The following MACROD2 variants were observed in gnomAD, a reference collection of about 807,000 sequenced individuals.
MACROD2 encodes ADP-ribose glycohydrolase MACROD2.
Under a neutral mutation model 70.4 loss-of-function variants are expected in MACROD2, and 36 were observed. The observed-to-expected ratio is 0.51, with a 90% CI of 0.39 to 0.68. MACROD2 has a LOEUF of 0.68. Among genes scored for constraint, MACROD2 ranks in the 30% least tolerant of loss-of-function variants. MACROD2 has a pLI of 0.00. For synonymous variants in MACROD2, 172 were observed against 178.8 expected (o/e 0.96, Z 0.30); for missense variants, 496 against 538.4 (o/e 0.92, Z 0.78).
chr20:15,345,153 G>T (rs935581191), intron 6 of MACROD2, among the ~76,000 whole-genome samples: 1 of 152,090 alleles, frequency 6.6e-6, no homozygotes, highest in East Asian at 1.9e-4. Context: ...CTTGATTACC[G>T]CCGAAAGGGC....
At chr20:15,437,799 G>A (rs1013088538) in intron 7 of MACROD2, among the ~76,000 whole-genome samples, 2 of 152,048 alleles carry the variant, frequency 1.3e-5, no homozygotes, top group Non-Finnish European at 2.9e-5. Context: ...ATAGCTTCCA[G>A]CTGCATCCGT....
At chr20:14,173,495 C>G (rs539496499) in intron 3 of MACROD2, among the ~76,000 whole-genome samples, 18 of 152,108 alleles carry the variant, frequency 1.2e-4, no homozygotes, top group African/African-American at 3.4e-4. Flanking sequence ...CTATCTATTG[C>G]AGTGAAGATT....
intron 7 of MACROD2, among the ~76,000 whole-genome samples, chr20:15,445,157 G>T (rs2046545845): frequency 6.6e-6 from 1 of 152,108 alleles, no homozygotes; most frequent in Non-Finnish European, 1.5e-5. Context: ...ACCAGTCAGT[G>T]GTCCCTTATC....
At chr20:14,739,225 G>T (rs1283949318) in intron 5 of MACROD2, among the ~76,000 whole-genome samples, 1 of 151,880 alleles carries the variant, frequency 6.6e-6, no homozygotes, top group Admixed American at 6.6e-5. Flanking sequence ...GAGAAATTAT[G>T]ATACAAATAT....
intron 3 of MACROD2, among the ~76,000 whole-genome samples, chr20:14,180,752 TG>T (rs1458868616): frequency 6.6e-6 from 1 of 152,110 alleles, no homozygotes; most frequent in African/African-American, 2.4e-5. Context: ...AGAATAAAAG[TG>T]CCACTTTGTT....
chr20:15,325,854 A>G (rs1398248994), intron 6 of MACROD2, among the ~76,000 whole-genome samples: 1 of 152,116 alleles, frequency 6.6e-6, no homozygotes, highest in Non-Finnish European at 1.5e-5. Context: ...AATGACTTAG[A>G]TATTAGTAAA....
intron 4 of MACROD2, among the ~76,000 whole-genome samples, chr20:14,532,993 T>C (rs1036033209): frequency 6.6e-6 from 1 of 152,166 alleles, no homozygotes; most frequent in African/African-American, 2.4e-5. Flanking sequence ...ACTGAGCTCC[T>C]GCAACTAGGC....
intron 8 of MACROD2, among the ~76,000 whole-genome samples, chr20:15,678,706 A>G (rs969501265): frequency 5.3e-5 from 8 of 152,208 alleles, no homozygotes; most frequent in Admixed American, 1.3e-4. Flanking sequence ...AACACCTTTC[A>G]TGATTATCAG....
intron 4 of MACROD2, among the ~76,000 whole-genome samples, chr20:14,634,938 G>A (rs1037555263): frequency 6.6e-6 from 1 of 152,150 alleles, no homozygotes; most frequent in Non-Finnish European, 1.5e-5. Context: ...TGGGCAATCT[G>A]CAGGGAGAAC....
At chr20:14,539,171 T>C (rs1442042684) in intron 4 of MACROD2, among the ~76,000 whole-genome samples, 1 of 152,206 alleles carries the variant, frequency 6.6e-6, no homozygotes, top group African/African-American at 2.4e-5. Flanking sequence ...TTCAAAATTA[T>C]CTCAATTGTG....
intron 5 of MACROD2, among the ~76,000 whole-genome samples, chr20:14,781,765 C>A (rs1253387584): frequency 6.6e-6 from 1 of 151,310 alleles, no homozygotes; most frequent in Non-Finnish European, 1.5e-5. Flanking sequence ...GCAGTCAAAC[C>A]AAGGCAAAAA....
At chr20:14,984,286 G>T (rs2074828828) in intron 5 of MACROD2, among the ~76,000 whole-genome samples, 1 of 152,148 alleles carries the variant, frequency 6.6e-6, no homozygotes, top group Admixed American at 6.5e-5. Context: ...ATGGCCCCTG[G>T]GATGTTCTTG....
intron 3 of MACROD2, among the ~76,000 whole-genome samples, chr20:14,288,389 C>G (rs114610235): frequency 0.018 from 2,775 of 152,182 alleles, 89 homozygotes; most frequent in African/African-American, 0.064. Flanking sequence ...ATTCTTTACT[C>G]CTGACTTCTT....
intron 5 of MACROD2, among the ~76,000 whole-genome samples, chr20:15,107,621 G>T (rs932194170): frequency 2.6e-5 from 4 of 151,090 alleles, no homozygotes; most frequent in Admixed American, 2.6e-4. Context: ...CTGACTTAAT[G>T]CTTTCTGAGA....
At chr20:15,649,342 G>A (rs531200657) in intron 8 of MACROD2, among the ~76,000 whole-genome samples, 43 of 151,226 alleles carry the variant, frequency 2.8e-4, no homozygotes, top group South Asian at 1.3e-3. Flanking sequence ...TAAGAGTATA[G>A]CACATGTTTA....
At chr20:15,963,397 T>G (rs2066092954) in intron 12 of MACROD2, among the ~76,000 whole-genome samples, 1 of 152,224 alleles carries the variant, frequency 6.6e-6, no homozygotes, top group Admixed American at 6.5e-5. Context: ...CTAGCTTGAA[T>G]AGTTATCTTC....
chr20:14,596,172 G>A (rs1209083168), intron 4 of MACROD2, among the ~76,000 whole-genome samples: 3 of 151,498 alleles, frequency 2.0e-5, no homozygotes, highest in South Asian at 2.1e-4. Flanking sequence ...TGCAAGCTCC[G>A]CCTCCCGGGT....
intron 3 of MACROD2, chr20:14,223,107 C>G (rs967248814): frequency 1.1e-4 from 17 of 152,354 alleles, no homozygotes; most frequent in African/African-American, 2.9e-4. Context: ...TCACTGGAGT[C>G]CAGAAGTTCT....
chr20:15,244,402 A>T (rs1321488985), intron 6 of MACROD2, among the ~76,000 whole-genome samples: 1 of 152,312 alleles, frequency 6.6e-6, no homozygotes, highest in East Asian at 1.9e-4. Context: ...AAAATCTGCT[A>T]ATTTCATGCA....
Sources: gnomAD v4.1 joint callset for allele counts (sites outside exome capture counted in the v4.1 genomes callset) on GRCh38, gnomAD v4.1.1 for gene constraint, MANE v1.5 for transcripts, NCBI Gene and HGNC (gene_info 2026-07-23, HGNC 2026-07-21) for gene names.